Variants in SYNE2 observed in about 807,000 individuals in gnomAD.
The protein encoded by SYNE2 is nesprin-2.
Under a neutral mutation model 856.3 loss-of-function variants are expected in SYNE2, and 431 were observed. The observed-to-expected ratio is 0.50, with a 90% CI of 0.47 to 0.55. SYNE2 has a LOEUF of 0.55. SYNE2 is among the 20% of genes least tolerant of loss of function. The probability of loss-of-function intolerance (pLI) is 0.00; values close to 1 mark genes in which losing one functional copy is unlikely to be tolerated. For missense variants in SYNE2, 8,129 were observed against 8,023.2 expected (o/e 1.01, Z -0.50); for synonymous variants, 2,923 against 2,872.3 (o/e 1.02, Z -0.56).
intron 93 of SYNE2, among the ~76,000 whole-genome samples, chr14:64,169,773 T>A (rs971181805): frequency 6.6e-6 from 1 of 152,212 alleles, no homozygotes; most frequent in Admixed American, 6.5e-5. Flanking sequence ...ATTTCTCGTG[T>A]GAAGGATATT....
At chr14:63,994,933 T>C in intron 22 of SYNE2, 111 bp from the exon 23 acceptor site, 1 of 706,898 alleles carries the variant, frequency 1.4e-6, no homozygotes, top group Admixed American at 3.1e-5. Context: ...GAATGGCACT[T>C]AAGCTTTGTT....
At chr14:63,981,676 T>C (rs943117769) in intron 16 of SYNE2, among the ~76,000 whole-genome samples, 10 of 152,252 alleles carry the variant, frequency 6.6e-5, no homozygotes, top group African/African-American at 2.4e-4. Flanking sequence ...TAATTCATTA[T>C]TGTTTTCATG....
chr14:63,784,386 G>A (rs1173561855), intron 1 of SYNE2, among the ~76,000 whole-genome samples: 1 of 151,944 alleles, frequency 6.6e-6, no homozygotes, highest in Non-Finnish European at 1.5e-5. Flanking sequence ...AGTCCCAGCT[G>A]GTCGGGAGGC....
chr14:64,158,929 A>G, intron 86 of SYNE2, 134 bp downstream of exon 86: 1 of 1,000,934 alleles, frequency 1.0e-6, no homozygotes, highest in Non-Finnish European at 1.5e-6. Flanking sequence ...CAGTTTCAAA[A>G]GAATAACTGG....
intron 100 of SYNE2, chr14:64,207,959 C>T (rs1346057912): frequency 2.2e-6 from 1 of 455,508 alleles, no homozygotes; most frequent in South Asian, 1.6e-5. Context: ...TCCCCGCAGC[C>T]CACCCATGGG....
chr14:63,944,145 T>A (rs1451854439), intron 6 of SYNE2, among the ~76,000 whole-genome samples: 1 of 151,242 alleles, frequency 6.6e-6, no homozygotes, highest in Non-Finnish European at 1.5e-5. Context: ...CTGCTATAAA[T>A]AATTTAGTGT....
intron 94 of SYNE2, chr14:64,173,923 G>A (rs2098422258): frequency 1.4e-6 from 1 of 696,792 alleles, no homozygotes; most frequent in East Asian, 2.7e-5. Context: ...CAGGTGTGGT[G>A]GCGCATCTCT....
At chr14:63,895,551 G>A (rs1365086845) in intron 1 of SYNE2, among the ~76,000 whole-genome samples, 1 of 145,588 alleles carries the variant, frequency 6.9e-6, no homozygotes, top group East Asian at 2.0e-4. Context: ...CTGGGAGTTT[G>A]AGACCAGCCT....
chr14:63,763,080 G>A (rs1220155753), intron 1 of SYNE2, among the ~76,000 whole-genome samples: 3 of 152,110 alleles, frequency 2.0e-5, no homozygotes, highest in African/African-American at 7.2e-5. Context: ...AAATTCTCCT[G>A]TCTCAGCCTC....
chr14:63,930,657 C>G (rs1282961663), intron 2 of SYNE2, among the ~76,000 whole-genome samples: 1 of 151,934 alleles, frequency 6.6e-6, no homozygotes, highest in Non-Finnish European at 1.5e-5. Flanking sequence ...TCTTCAGCCT[C>G]CCAAGTAGCT....
intron 10 of SYNE2, among the ~76,000 whole-genome samples, chr14:63,966,182 C>A (rs1383458427): frequency 6.6e-6 from 1 of 151,976 alleles, no homozygotes; most frequent in Non-Finnish European, 1.5e-5. Context: ...CAGAGCCATA[C>A]CTGTCAGTAG....
At chr14:63,834,736 G>A (rs1013867945) in intron 1 of SYNE2, among the ~76,000 whole-genome samples, 6 of 151,550 alleles carry the variant, frequency 4.0e-5, no homozygotes, top group African/African-American at 1.5e-4. Context: ...CACCTCCTGG[G>A]TTCCAGTGAT....
intron 1 of SYNE2, among the ~76,000 whole-genome samples, chr14:63,905,959 T>C (rs1243015721): frequency 6.6e-6 from 1 of 152,156 alleles, no homozygotes; most frequent in Admixed American, 6.5e-5. Context: ...TCTTATTATT[T>C]TGAGGTATGT....
rs765830189 is a variant in SYNE2, at chr14:64,024,420, G to C, written c.5801G>C (p.Arg1934Pro). ...AAAATGGAGTCCATATGCCAGGCTC[G>C]AGCAAAGGAGCTTGAAGACTCCTTG... ...LEKMESICQA[R>P]AKELEDSLQQ... The change falls in exon 39 of 116, where the codon CGA becomes CCA. Residue 1934 changes from arginine to proline, a missense_variant. Arg to Pro is a moderately radical substitution (Grantham distance 103). Coordinates refer to ENST00000555002, the MANE Select transcript of SYNE2 (RefSeq NM_182914.3). The C allele has an allele frequency of 1.9e-6, 3 of 1,614,072 alleles. No homozygotes were observed. Among genetic ancestry groups the C allele is most frequent in the Non-Finnish European group, 2.5e-6 (3 of 1,179,990 alleles).
intron 85 of SYNE2, among the ~76,000 whole-genome samples, chr14:64,154,539 T>C (rs1406170377): frequency 6.6e-6 from 1 of 152,072 alleles, no homozygotes; most frequent in East Asian, 1.9e-4. Flanking sequence ...ACGCCTGTAA[T>C]CCCAGCACTT....
chr14:63,981,395 C>G (rs1012324438), intron 16 of SYNE2, among the ~76,000 whole-genome samples: 1 of 152,076 alleles, frequency 6.6e-6, no homozygotes, highest in Admixed American at 6.5e-5. Flanking sequence ...CACATACACG[C>G]CCCCCTCTTC....
At chr14:64,002,668 A>G (rs1209069421) in intron 29 of SYNE2, 52 bp from the exon 30 acceptor site, 9 of 1,590,906 alleles carry the variant, frequency 5.7e-6, no homozygotes, top group Non-Finnish European at 7.7e-6. Context: ...TCTCACATGT[A>G]GCCTTTCTTT....
intron 1 of SYNE2, among the ~76,000 whole-genome samples, chr14:63,865,719 C>CG (rs1300679175): frequency 1.7e-5 from 2 of 114,488 alleles, no homozygotes; most frequent in Non-Finnish European, 1.8e-5. Context: ...TACCCACCCC[C>CG]CCCCCAAAAA....
intron 1 of SYNE2, among the ~76,000 whole-genome samples, chr14:63,773,820 G>A (rs539222188): frequency 7.6e-4 from 115 of 152,304 alleles, no homozygotes; most frequent in African/African-American, 2.6e-3. Context: ...AGATACCAAT[G>A]CATTTGCCTC....
Sources: gnomAD v4.1 joint callset for allele counts (sites outside exome capture counted in the v4.1 genomes callset) on GRCh38, gnomAD v4.1.1 for gene constraint, MANE v1.5 for transcripts, NCBI Gene and HGNC (gene_info 2026-07-23, HGNC 2026-07-21) for gene names.